The following ACAA2 variants were observed in gnomAD, a reference collection of about 807,000 sequenced individuals.
The protein encoded by ACAA2 is 3-ketoacyl-CoA thiolase, mitochondrial.
In ACAA2, 35 loss-of-function variants were observed where a neutral mutation model predicts 44.8. The observed-to-expected ratio is 0.78, with a 90% CI of 0.60 to 1.04. The LOEUF (loss-of-function observed/expected upper bound fraction) is 1.04, where lower values mean the gene tolerates loss of function less well. Among genes scored for constraint, ACAA2 ranks in the 50% least tolerant of loss-of-function variants. The pLI, the probability that ACAA2 is intolerant of heterozygous loss-of-function variation, is 0.00. For missense variants in ACAA2, 468 were observed against 482.6 expected (o/e 0.97, Z 0.28); for synonymous variants, 142 against 166.5 (o/e 0.85, Z 1.13).
At chr18:49,790,253 G>C (rs530165140) in intron 7 of ACAA2, among the ~76,000 whole-genome samples, 4 of 152,164 alleles carry the variant, frequency 2.6e-5, no homozygotes. Context: ...ATAAATTTGA[G>C]ACACATAGTG....
intron 1 of ACAA2, among the ~76,000 whole-genome samples, chr18:49,809,778 G>A (rs940327137): frequency 2.6e-5 from 4 of 152,190 alleles, no homozygotes; most frequent in African/African-American, 4.8e-5. Flanking sequence ...TAATCTGCAT[G>A]ACACTATAAT....
At chr18:49,796,416 AAATT>A (rs1253402008) in intron 3 of ACAA2, among the ~76,000 whole-genome samples, 1 of 152,214 alleles carries the variant, frequency 6.6e-6, no homozygotes, top group East Asian at 1.9e-4. Flanking sequence ...ATGGTTCTTA[AAATT>A]ATTACTAGGA....
intron 9 of ACAA2, among the ~76,000 whole-genome samples, chr18:49,784,924 T>G (rs1180287762): frequency 6.6e-6 from 1 of 152,166 alleles, no homozygotes; most frequent in Non-Finnish European, 1.5e-5. Flanking sequence ...TATCTGCTCA[T>G]GCAGTGAACA....
Position 49,787,309 on chromosome 18 carries a change from C to G in ACAA2, c.936G>C (p.Lys312Asn), listed in dbSNP as rs539036880. ...GALKKAGLSL[K>N]DMDLVEVNEA... is the part of the protein sequence containing the mutation. ...CACTTACCTCTACCAAATCCATGTC[C>G]TTAAGACTCAGTCCTGCTTTCTTCA... Residue 312 changes from lysine (K) to asparagine (N), a missense_variant, in exon 8 of 10, where the codon AAG (lysine) becomes AAC (asparagine). Lys to Asn is a moderately conservative substitution (Grantham distance 94). Transcript: ENST00000285093. 6.2e-5 allele frequency: 88 copies of G among 1,423,258 alleles called. No individual in the cohort carries two copies. The highest frequency in any genetic ancestry group is 7.9e-5 in the Non-Finnish European group (85 of 1,076,504). 88.2% of individuals were successfully genotyped at this position (1,423,258 alleles called of 1,614,324 possible). A position where few individuals can be genotyped will look rare whatever the true frequency, so the allele number is the denominator to read the frequency against.
intron 1 of ACAA2, among the ~76,000 whole-genome samples, chr18:49,809,306 A>G (rs2023643523): frequency 6.6e-6 from 1 of 152,226 alleles, no homozygotes; most frequent in Admixed American, 6.5e-5. Flanking sequence ...AGTGGACCTG[A>G]GGTGACGTAC....
intron 9 of ACAA2, among the ~76,000 whole-genome samples, chr18:49,784,862 T>G (rs543685032): frequency 6.6e-6 from 1 of 152,166 alleles, no homozygotes; most frequent in Non-Finnish European, 1.5e-5. Context: ...AGATTTATTT[T>G]ACTCCTGTAA....
At chr18:49,808,432 A>T (rs2023632705) in intron 1 of ACAA2, among the ~76,000 whole-genome samples, 1 of 152,232 alleles carries the variant, frequency 6.6e-6, no homozygotes, top group African/African-American at 2.4e-5. Context: ...TTAAAACTTG[A>T]AGGCAACCAC....
In ACAA2 at chr18:49,782,397, A is replaced by G. The variant is rs1039363658; in HGVS notation, c.*1450T>C. 1 of 152,100 alleles carries G rather than the reference A, an allele frequency of 6.6e-6. No homozygotes were observed. Among genetic ancestry groups the G allele is most frequent in the African/African-American group, 2.4e-5 (1 of 41,414 alleles). The allele number at this position is 152,100 out of a possible 1,614,324, so 9.4% of individuals were successfully genotyped here. On this transcript the variant is annotated 3_prime_UTR_variant, in exon 10 of 10. Coordinates refer to ENST00000285093, the MANE Select transcript of ACAA2 (RefSeq NM_006111.3). Reference sequence around the variant, plus strand: ...GCCACTTCAGCTTTTTAATCAAATGAAGGAAACCATATAAGCAAAGGGTTG... The same window carrying G: ...GCCACTTCAGCTTTTTAATCAAATGGAGGAAACCATATAAGCAAAGGGTTG...
At chr18:49,796,112 C>T (rs1341665460) in intron 3 of ACAA2, among the ~76,000 whole-genome samples, 1 of 152,136 alleles carries the variant, frequency 6.6e-6, no homozygotes, top group East Asian at 1.9e-4. Context: ...GCCTGAGTAA[C>T]AGGCCCTACC....
At chr18:49,793,702 A>G (rs941957879) in intron 5 of ACAA2, among the ~76,000 whole-genome samples, 2 of 152,228 alleles carry the variant, frequency 1.3e-5, no homozygotes, top group Non-Finnish European at 2.9e-5. Flanking sequence ...TGCACTGCTA[A>G]AAGAACTGCT....
chr18:49,793,271 AG>A (rs2023427231), intron 5 of ACAA2, among the ~76,000 whole-genome samples: 1 of 152,252 alleles, frequency 6.6e-6, no homozygotes, highest in Non-Finnish European at 1.5e-5. Context: ...CTTTGGAAAT[AG>A]GGTCAGGAAT....
intron 2 of ACAA2, among the ~76,000 whole-genome samples, chr18:49,801,770 A>C (rs2023550456): frequency 7.3e-6 from 1 of 137,010 alleles, no homozygotes; most frequent in African/African-American, 2.7e-5. Context: ...CATAAGATAT[A>C]TCACAGAAAC....
chr18:49,806,253 C>T (rs762047494), intron 1 of ACAA2, among the ~76,000 whole-genome samples: 1 of 152,186 alleles, frequency 6.6e-6, no homozygotes, highest in African/African-American at 2.4e-5. Context: ...ATGGTAAGCA[C>T]AGCCACTAGA....
chr18:49,785,210 C>T lies in ACAA2; in HGVS notation c.1096G>A (p.Val366Ile). 6.2e-7 allele frequency: 1 copy of T among 1,609,650 alleles called. No individual in the cohort carries two copies. The highest frequency in any genetic ancestry group is 1.3e-5 in the African/African-American group (1 of 74,682). ...TCTAGCAAATACCTTAATTCGTGAA[C>T]CAGGTGTGCAGTAATTCTTGATCCA... Reference protein sequence around the residue: ...GSGSRITAHLVHELRRRGGKY... With the variant: ...GSGSRITAHLIHELRRRGGKY... The change falls in exon 9 of 10, where the codon GTT (valine) becomes ATT (isoleucine). Residue 366 changes from valine (V) to isoleucine (I), a missense_variant. Coordinates refer to ENST00000285093, the MANE Select transcript of ACAA2 (RefSeq NM_006111.3).
At chr18:49,803,705 C>T (rs1387582442) in intron 1 of ACAA2, among the ~76,000 whole-genome samples, 1 of 152,080 alleles carries the variant, frequency 6.6e-6, no homozygotes, top group Non-Finnish European at 1.5e-5. Flanking sequence ...AGTATATTGC[C>T]TAGTATTAGA....
chr18:49,789,157 C>T (rs1180453414), intron 7 of ACAA2, among the ~76,000 whole-genome samples: 1 of 152,150 alleles, frequency 6.6e-6, no homozygotes, highest in African/African-American at 2.4e-5. Flanking sequence ...AGAACCAGTA[C>T]TATTCTTTTC....
Position 49,792,069 on chromosome 18 carries a change from A to G in ACAA2, c.753+83T>C, listed in dbSNP as rs181124810. On this transcript the variant is annotated intron_variant, in intron 6 of 9. Coordinates refer to ENST00000285093, the MANE Select transcript of ACAA2 (RefSeq NM_006111.3). ...AGCTAAACAACTAAAGACTGGCATA[A>G]AAAGTATTTACAAGATACTTCATGA... 357 of 1,150,374 alleles carry G rather than the reference A, an allele frequency of 3.1e-4. 2 individuals are homozygous for G. In the Admixed American group the frequency reaches 8.2e-3, roughly 26 times the overall value. 71.3% of individuals were successfully genotyped at this position (1,150,374 alleles called of 1,614,324 possible). A position where few individuals can be genotyped will look rare whatever the true frequency, so the allele number is the denominator to read the frequency against.
chr18:49,787,643 TAAAAAAGAA>T (rs2023349354), intron 7 of ACAA2, among the ~76,000 whole-genome samples: 1 of 151,092 alleles, frequency 6.6e-6, no homozygotes, highest in Non-Finnish European at 1.5e-5. Context: ...ACCCCATCTC[TAAAAAAGAA>T]AAAAAATAAT....
intron 2 of ACAA2, among the ~76,000 whole-genome samples, chr18:49,801,812 A>ATATATATATATATATATATATC (rs1347357878): frequency 4.2e-5 from 6 of 143,310 alleles, no homozygotes; most frequent in South Asian, 4.5e-4. Flanking sequence ...ATATATATAT[A>ATATATATATATATATATATATC]TATCTTATCT....
Sources: gnomAD v4.1 joint callset for allele counts (sites outside exome capture counted in the v4.1 genomes callset) on GRCh38, gnomAD v4.1.1 for gene constraint, MANE v1.5 for transcripts, NCBI Gene and HGNC (gene_info 2026-07-23, HGNC 2026-07-21) for gene names.